TUSC3: variants seen among roughly 807,000 people sequenced by gnomAD.
TUSC3 encodes the protein dolichyl-diphosphooligosaccharide--protein glycosyltransferase subunit TUSC3.
A neutral mutation model predicts 44.8 loss-of-function variants in TUSC3; 45 were observed. The observed-to-expected ratio is 1.00, with a 90% CI of 0.79 to 1.29. The LOEUF (loss-of-function observed/expected upper bound fraction) is 1.29, where lower values mean the gene tolerates loss of function less well. Ranked by LOEUF, TUSC3 falls within the 50% of genes most tolerant of loss-of-function variation. The probability of loss-of-function intolerance (pLI) is 0.00; values close to 1 mark genes in which losing one functional copy is unlikely to be tolerated. For synonymous variants in TUSC3, 212 were observed against 152.9 expected, an observed-to-expected ratio of 1.39 and a Z score of -2.85; for missense variants, 519 against 437.9, an observed-to-expected ratio of 1.19 and a Z score of -1.65.
chr8:15,545,407 C>G (rs920949271), intron 1 of TUSC3, among the ~76,000 whole-genome samples: 1 of 151,498 alleles, frequency 6.6e-6, no homozygotes, highest in East Asian at 2.0e-4. Flanking sequence ...ACTTCTTTGA[C>G]CTCTTCTCTA....
upstream of TUSC3, among the ~76,000 whole-genome samples, chr8:15,537,099 G>C (rs1162104193): frequency 6.6e-6 from 1 of 151,930 alleles, no homozygotes; most frequent in Admixed American, 6.6e-5. Context: ...TAAGAGCCAG[G>C]CACCCTTTTA....
chr8:15,811,991 C>G, the TUSC3 span, among the ~76,000 whole-genome samples: 2 of 152,052 alleles, frequency 1.3e-5, no homozygotes, highest in Non-Finnish European at 2.9e-5. Context: ...AAATATTTTG[C>G]CCATGGTTTG....
intron 1 of TUSC3, among the ~76,000 whole-genome samples, chr8:15,598,902 C>T (rs530442668): frequency 1.3e-5 from 2 of 151,878 alleles, no homozygotes; most frequent in Admixed American, 6.6e-5. Flanking sequence ...GTTATCAACA[C>T]CTCTTTACAG....
chr8:15,664,666 T>G (rs2129180821), intron 5 of TUSC3, among the ~76,000 whole-genome samples: 1 of 149,696 alleles, frequency 6.7e-6, no homozygotes, highest in East Asian at 2.0e-4. Context: ...AATATAATGT[T>G]AAATTCAACA....
At chr8:15,470,375 C>T (rs528771836) in intron 1 of TUSC3, among the ~76,000 whole-genome samples, 8 of 152,050 alleles carry the variant, frequency 5.3e-5, no homozygotes, top group African/African-American at 1.7e-4. Context: ...TAGTGGATGC[C>T]TTCCTTATAC....
rs547226413 is a variant in TUSC3, at chr8:15,569,494, C to T, written c.138+28926C>T. On this transcript the variant is annotated intron_variant, in intron 1 of 10. Coordinates refer to ENST00000503731, the MANE Select transcript of TUSC3 (RefSeq NM_006765.4). ...TGGAATATATGTGTAATTATCCTGA[C>T]ATCTGGATCTGGGCAAAGATAATAG... 1.1e-4 allele frequency among the ~76,000 whole-genome samples: 16 copies of T among 152,250 alleles called. 1 individual carries two copies. In the South Asian group the frequency reaches 2.9e-3, roughly 28 times the overall value.
At chr8:15,554,582 C>T (rs866491352) in intron 1 of TUSC3, among the ~76,000 whole-genome samples, 2 of 145,202 alleles carry the variant, frequency 1.4e-5, no homozygotes, top group South Asian at 4.5e-4. Context: ...GGACTGTTGA[C>T]TTTTGCATTT....
chr8:15,790,213 G>C, the TUSC3 span, among the ~76,000 whole-genome samples: 1 of 123,560 alleles, frequency 8.1e-6, no homozygotes, highest in African/African-American at 3.2e-5. Context: ...TTGAGATGGA[G>C]TCTTGCTCTG....
chr8:15,505,649 C>G (rs976245366), intron 2 of TUSC3, among the ~76,000 whole-genome samples: 1 of 152,170 alleles, frequency 6.6e-6, no homozygotes, highest in African/African-American at 2.4e-5. Flanking sequence ...GAATCTGATT[C>G]AGCAGGTCTG....
At chr8:15,688,746 G>C (rs944094877) in intron 6 of TUSC3, among the ~76,000 whole-genome samples, 1 of 152,144 alleles carries the variant, frequency 6.6e-6, no homozygotes, top group African/African-American at 2.4e-5. Flanking sequence ...CTGTATGCCA[G>C]GGAGGACACA....
rs368113921 is a variant in TUSC3 at position 15,490,463 on chromosome 8, C to T, written n.189+6980C>T. On this transcript the variant is annotated intron_variant and non_coding_transcript_variant, in intron 2 of 5. Coordinates refer to the TUSC3 transcript ENST00000503191. ...ACCACCCTGCAATTTTCCAGCAGCC[C>T]CTCCCATTGGGTGCACTCAACTGAA... is the stretch of plus-strand genomic sequence containing the variant. 3.7e-3 allele frequency among the ~76,000 whole-genome samples: 565 copies of T among 152,234 alleles called. 4 individuals are homozygous for T. The highest frequency in any genetic ancestry group is 0.013 in the African/African-American group (545 of 41,542).
intron 2 of TUSC3, among the ~76,000 whole-genome samples, chr8:15,636,879 A>C (rs1255872147): frequency 6.6e-6 from 1 of 152,188 alleles, no homozygotes; most frequent in Non-Finnish European, 1.5e-5. Flanking sequence ...GAGTGTTTGT[A>C]GTCTGTTCAC....
At chr8:15,467,592 T>G (rs927135616) in intron 1 of TUSC3, among the ~76,000 whole-genome samples, 2 of 152,118 alleles carry the variant, frequency 1.3e-5, no homozygotes, top group Non-Finnish European at 2.9e-5. Context: ...GTAAAGCCTT[T>G]TCTCATTTGC....
At chr8:15,846,824 A>C in the TUSC3 span, among the ~76,000 whole-genome samples, 10 of 151,976 alleles carry the variant, frequency 6.6e-5, no homozygotes, top group African/African-American at 2.4e-4. Flanking sequence ...CCCATGTAAC[A>C]AACCTGCATG....
At chr8:15,563,609 C>T (rs570533812) in intron 1 of TUSC3, among the ~76,000 whole-genome samples, 11 of 141,130 alleles carry the variant, frequency 7.8e-5, no homozygotes, top group African/African-American at 2.4e-4. Context: ...TTGCTTGAAC[C>T]GGGGAGGCAG....
chr8:15,849,135 G>C, the TUSC3 span, among the ~76,000 whole-genome samples: 1 of 152,006 alleles, frequency 6.6e-6, no homozygotes, highest in African/African-American at 2.4e-5. Flanking sequence ...TACTACATTC[G>C]ATCAAAATTC....
At chr8:15,766,805 C>T (rs573700592), downstream of TUSC3, among the ~76,000 whole-genome samples, 1 of 152,050 alleles carries the variant, frequency 6.6e-6, no homozygotes, top group Non-Finnish European at 1.5e-5. Context: ...AGCAAACCTC[C>T]CTAAGGGTAC....
At chr8:15,757,658 C>A in intron 9 of TUSC3, 133 bp from the exon 10 acceptor site, 2 of 1,137,440 alleles carry the variant, frequency 1.8e-6, no homozygotes, top group Non-Finnish European at 1.3e-6. Context: ...GTAAAGGCAC[C>A]ATCGTCTATC....
intron 7 of TUSC3, among the ~76,000 whole-genome samples, chr8:15,740,732 C>T (rs781649469): frequency 1.3e-5 from 2 of 152,132 alleles, no homozygotes; most frequent in East Asian, 1.9e-4. Flanking sequence ...TTGTACGTAG[C>T]GAATTTGAAA....
Sources: gnomAD v4.1 joint callset for allele counts (sites outside exome capture counted in the v4.1 genomes callset) on GRCh38, gnomAD v4.1.1 for gene constraint, MANE v1.5 for transcripts, NCBI Gene and HGNC (gene_info 2026-07-23, HGNC 2026-07-21) for gene names.